The following RORB variants were observed in gnomAD, a reference collection of about 807,000 sequenced individuals.
The protein encoded by RORB is RAR related orphan receptor B, also known as nuclear receptor ROR-beta.
In RORB, 6 loss-of-function variants were observed where a neutral mutation model predicts 59.1. The ratio of observed to expected loss-of-function variants is 0.10; its 90% CI spans 0.06 to 0.20. The LOEUF is 0.20. RORB is among the 10% of genes least tolerant of loss of function. RORB has a pLI of 1.00. For synonymous variants in RORB, 215 were observed against 204.5 expected (o/e 1.05, Z -0.44); for missense variants, 320 against 560.5 (o/e 0.57, Z 4.33).
chr9:74,602,906 C>T (rs1289887494), intron 1 of RORB, among the ~76,000 whole-genome samples: 2 of 152,124 alleles, frequency 1.3e-5, no homozygotes, highest in Non-Finnish European at 2.9e-5. Context: ...GTTTATAATG[C>T]TCTCCCAAAA....
At chr9:74,515,720 C>A (rs1825999549) in intron 1 of RORB, among the ~76,000 whole-genome samples, 1 of 151,930 alleles carries the variant, frequency 6.6e-6, no homozygotes. Context: ...ATAACAGATG[C>A]AAATTGTTAA....
chr9:74,534,620 G>A (rs965265041), intron 1 of RORB, among the ~76,000 whole-genome samples: 1 of 151,860 alleles, frequency 6.6e-6, no homozygotes, highest in African/African-American at 2.4e-5. Context: ...AGTTCTGGGT[G>A]AGCCTGCCTG....
intron 1 of RORB, among the ~76,000 whole-genome samples, chr9:74,583,987 A>G (rs1356995637): frequency 2.0e-5 from 3 of 152,072 alleles, no homozygotes; most frequent in African/African-American, 7.2e-5. Context: ...GGGTACAAAA[A>G]TGCAACTTTT....
intron 1 of RORB, among the ~76,000 whole-genome samples, chr9:74,530,993 G>T (rs111491828): frequency 2.0e-5 from 3 of 151,268 alleles, no homozygotes; most frequent in South Asian, 2.1e-4. Context: ...TCCCAGAAAT[G>T]ATTTATAACT....
chr9:74,666,202 G>A (rs886859509), intron 7 of RORB, among the ~76,000 whole-genome samples: 10 of 152,168 alleles, frequency 6.6e-5, no homozygotes, highest in East Asian at 3.9e-4. Flanking sequence ...CAAGAGAATC[G>A]CTTGAATGTG....
At chr9:74,671,170 G>C (rs1237395330) in intron 8 of RORB, among the ~76,000 whole-genome samples, 1 of 151,418 alleles carries the variant, frequency 6.6e-6, no homozygotes, top group Non-Finnish European at 1.5e-5. Context: ...AAGAAAGGAG[G>C]GAAGGAAGAA....
chr9:74,679,878 A>G (rs1824515811), intron 9 of RORB, among the ~76,000 whole-genome samples: 1 of 152,202 alleles, frequency 6.6e-6, no homozygotes, highest in Non-Finnish European at 1.5e-5. Flanking sequence ...CAGGCGGATC[A>G]GATCATGAGG....
At chr9:74,499,861 C>T (rs1825782835) in intron 1 of RORB, among the ~76,000 whole-genome samples, 1 of 152,174 alleles carries the variant, frequency 6.6e-6, no homozygotes, top group Admixed American at 6.5e-5. Flanking sequence ...AAACTATGCG[C>T]CACCTCAGCT....
At chr9:74,548,426 G>A (rs1464961570) in intron 1 of RORB, among the ~76,000 whole-genome samples, 2 of 152,086 alleles carry the variant, frequency 1.3e-5, no homozygotes, top group Non-Finnish European at 2.9e-5. Context: ...AATAATGCAG[G>A]GACAAACCCT....
At chr9:74,531,553 T>C (rs1826238982) in intron 1 of RORB, among the ~76,000 whole-genome samples, 1 of 151,990 alleles carries the variant, frequency 6.6e-6, no homozygotes, top group Admixed American at 6.6e-5. Flanking sequence ...ACGAGATCCG[T>C]TTAGAGAGCT....
rs1032281704 is a variant in RORB, at chr9:74,587,407, C to T, written c.8-42875C>T. On this transcript the variant is annotated intron_variant, in intron 1 of 9. Transcript: ENST00000376896. ...GACTCCACAGATTAACCTGGAATTT[C>T]CCTCTTGCCTATTTTATATATTGTT... 3.3e-5 allele frequency among the ~76,000 whole-genome samples: 5 copies of T among 152,212 alleles called. No individual in the cohort carries two copies. The South Asian group carries it at 1.0e-3, about 32-fold the overall frequency.
intron 3 of RORB, among the ~76,000 whole-genome samples, 169 bp from the exon 4 acceptor site, chr9:74,642,245 T>C (rs569065285): frequency 6.6e-6 from 1 of 152,366 alleles, no homozygotes; most frequent in Non-Finnish European, 1.5e-5. Context: ...CCTCTGAATA[T>C]AACCTTTCCC....
At chr9:74,546,673 C>A (rs1826500779) in intron 1 of RORB, among the ~76,000 whole-genome samples, 1 of 152,090 alleles carries the variant, frequency 6.6e-6, no homozygotes, top group Non-Finnish European at 1.5e-5. Context: ...GGTCTAGACA[C>A]CGTTGTGCAT....
intron 1 of RORB, among the ~76,000 whole-genome samples, chr9:74,533,695 C>T (rs1454105753): frequency 1.3e-5 from 2 of 151,986 alleles, no homozygotes; most frequent in East Asian, 1.9e-4. Flanking sequence ...AGTTCTCACA[C>T]GTTTGGCTTT....
intron 3 of RORB, among the ~76,000 whole-genome samples, chr9:74,641,584 G>A (rs998227670): frequency 5.9e-5 from 9 of 151,984 alleles, no homozygotes; most frequent in African/African-American, 2.2e-4. Flanking sequence ...CCATGCCTTC[G>A]GTCTTACCCA....
At position 74,573,272 on chromosome 9, in the gene RORB, A is replaced by G. The variant is rs1035086082; in HGVS notation, c.8-57010A>G. On this transcript the variant is annotated intron_variant, in intron 1 of 9. Coordinates refer to ENST00000376896, the MANE Select transcript of RORB (RefSeq NM_006914.4). ...TCTGTAGCTGTTTTGAGGGGGTTGC[A>G]CATCAGATATCAATGAGGGGCCAAT... Among the ~76,000 whole-genome samples the G allele has an allele frequency of 2.6e-5, 4 of 152,188 alleles. No homozygotes were observed. The Middle Eastern group carries it at 0.01, about 388-fold the overall frequency.
Position 74,621,831 on chromosome 9 carries a change from A to G in RORB, c.8-8451A>G, listed in dbSNP as rs1307250820. ...AATTCCTTAATGACATATGATATTC[A>G]GCATCTTTTCATATGCTTATTTTCC... On this transcript the variant is annotated intron_variant, in intron 1 of 9. Transcript: ENST00000376896. Among the ~76,000 whole-genome samples the G allele has an allele frequency of 2.0e-5, 3 of 152,340 alleles. No individual in the cohort carries two copies. The East Asian group carries it at 5.8e-4, about 29-fold the overall frequency.
chr9:74,650,977 T>C (rs1823980625), intron 4 of RORB, among the ~76,000 whole-genome samples: 1 of 152,158 alleles, frequency 6.6e-6, no homozygotes. Flanking sequence ...GTCAACAAAA[T>C]TCAAATGGTG....
intron 9 of RORB, among the ~76,000 whole-genome samples, chr9:74,674,226 C>G (rs1420770115): frequency 6.6e-6 from 1 of 152,148 alleles, no homozygotes; most frequent in East Asian, 1.9e-4. Flanking sequence ...AGAAAGGCTC[C>G]TTATGCCATT....
Sources: allele counts gnomAD v4.1 joint callset (sites outside exome capture counted in the v4.1 genomes callset), GRCh38; gene constraint gnomAD v4.1.1; transcripts MANE v1.5; gene names NCBI Gene and HGNC (gene_info 2026-07-23, HGNC 2026-07-21).